The following UNC5D variants were observed in gnomAD, a reference collection of about 807,000 sequenced individuals.
UNC5D encodes unc-5 netrin receptor D.
UNC5D carries 39 observed loss-of-function variants against 105.4 expected under a neutral mutation model. The ratio of observed to expected loss-of-function variants is 0.37; its 90% CI spans 0.29 to 0.48. UNC5D has a LOEUF of 0.48. UNC5D is among the 20% of genes least tolerant of loss of function. The pLI is 0.98. For synonymous variants in UNC5D, 452 were observed against 450.4 expected, an observed-to-expected ratio of 1.00 and a Z score of -0.04; for missense variants, 991 against 1,202.4, an observed-to-expected ratio of 0.82 and a Z score of 2.60.
intron 1 of UNC5D, among the ~76,000 whole-genome samples, chr8:35,378,317 T>C (rs1407327331): frequency 2.6e-5 from 4 of 152,222 alleles, no homozygotes; most frequent in African/African-American, 9.6e-5. Flanking sequence ...GTCAACCCCC[T>C]AGTTGTCTTG....
chr8:35,311,924 A>C (rs1442060638), intron 1 of UNC5D, among the ~76,000 whole-genome samples: 1 of 152,134 alleles, frequency 6.6e-6, no homozygotes, highest in Non-Finnish European at 1.5e-5. Context: ...CCATATTGGC[A>C]TAATATATTT....
intron 1 of UNC5D, among the ~76,000 whole-genome samples, chr8:35,391,234 C>T (rs1803753061): frequency 6.6e-6 from 1 of 152,186 alleles, no homozygotes; most frequent in Non-Finnish European, 1.5e-5. Context: ...GAAGAAGCCA[C>T]CTCGTGTACT....
At chr8:35,764,151 G>A (rs1369324928) in intron 14 of UNC5D, among the ~76,000 whole-genome samples, 1 of 152,144 alleles carries the variant, frequency 6.6e-6, no homozygotes, top group Admixed American at 6.5e-5. Flanking sequence ...GAAGCATAAT[G>A]GAAACCAGAA....
chr8:35,692,314 C>G (rs1242959094), intron 7 of UNC5D, among the ~76,000 whole-genome samples: 3 of 152,176 alleles, frequency 2.0e-5, no homozygotes, highest in Non-Finnish European at 2.9e-5. Flanking sequence ...AAAAGGTGAA[C>G]CTGTAATCAC....
chr8:35,350,376 C>T (rs751059558), intron 1 of UNC5D, among the ~76,000 whole-genome samples: 2 of 151,978 alleles, frequency 1.3e-5, no homozygotes, highest in Admixed American at 6.6e-5. Context: ...AAGTGGGTCT[C>T]CCTTAGCGTA....
chr8:35,285,961 C>T (rs1029137426), intron 1 of UNC5D, among the ~76,000 whole-genome samples: 7 of 139,250 alleles, frequency 5.0e-5, no homozygotes, highest in Non-Finnish European at 1.1e-4. Flanking sequence ...ACATTAGAAA[C>T]GTAAGTCACA....
chr8:35,615,449 A>C (rs1380771259), intron 4 of UNC5D, among the ~76,000 whole-genome samples: 2 of 152,050 alleles, frequency 1.3e-5, no homozygotes, highest in Non-Finnish European at 2.9e-5. Context: ...TAACCCAGTC[A>C]GTCTCTGAGT....
intron 3 of UNC5D, among the ~76,000 whole-genome samples, chr8:35,575,470 A>G (rs1218199673): frequency 6.6e-6 from 1 of 152,118 alleles, no homozygotes; most frequent in Non-Finnish European, 1.5e-5. Context: ...CACTCCTAAC[A>G]GTACTACAAT....
rs182949696 is a variant in UNC5D, at chr8:35,475,337, T to G, written c.104-73955T>G. Among the ~76,000 whole-genome samples, 627 of 152,278 alleles carry G rather than the reference T, an allele frequency of 4.1e-3. 8 individuals are homozygous for G. Among genetic ancestry groups the G allele is most frequent in the African/African-American group, 0.014 (591 of 41,554 alleles). On this transcript the variant is annotated intron_variant, in intron 1 of 16. Coordinates refer to ENST00000404895, the MANE Select transcript of UNC5D (RefSeq NM_080872.4). ...ATTTTTGTTAGGCATGCCTACACAGTAGCCAAGTGGAGGCCCAGAAGGGGA... is the reference window on the plus strand; with the variant it reads ...ATTTTTGTTAGGCATGCCTACACAGGAGCCAAGTGGAGGCCCAGAAGGGGA...
intron 1 of UNC5D, among the ~76,000 whole-genome samples, chr8:35,247,588 A>T (rs1460620564): frequency 9.6e-6 from 1 of 104,304 alleles, no homozygotes; most frequent in African/African-American, 3.8e-5. Flanking sequence ...AAATATATAA[A>T]ATATATATAA....
At chr8:35,659,186 A>G (rs1268874887) in intron 4 of UNC5D, among the ~76,000 whole-genome samples, 1 of 152,146 alleles carries the variant, frequency 6.6e-6, no homozygotes, top group African/African-American at 2.4e-5. Context: ...AATTGAGAGT[A>G]TGGAGTGTCA....
At chr8:35,282,564 T>C (rs1212665705) in intron 1 of UNC5D, among the ~76,000 whole-genome samples, 1 of 152,192 alleles carries the variant, frequency 6.6e-6, no homozygotes, top group Non-Finnish European at 1.5e-5. Context: ...TAAACAACTT[T>C]ATGATACCAA....
intron 1 of UNC5D, among the ~76,000 whole-genome samples, chr8:35,303,442 A>G (rs1202556295): frequency 1.3e-5 from 2 of 152,186 alleles, no homozygotes; most frequent in Non-Finnish European, 2.9e-5. Context: ...AATATTCAGT[A>G]GAATACATGG....
intron 14 of UNC5D, among the ~76,000 whole-genome samples, chr8:35,762,801 CAA>C (rs1386686284): frequency 2.6e-5 from 4 of 152,098 alleles, no homozygotes; most frequent in Non-Finnish European, 4.4e-5. Flanking sequence ...CAACAAAACA[CAA>C]AGTCAAGTTG....
At chr8:35,594,636 G>A (rs939930453) in intron 3 of UNC5D, among the ~76,000 whole-genome samples, 82 of 152,008 alleles carry the variant, frequency 5.4e-4, no homozygotes, top group African/African-American at 2.0e-3. Flanking sequence ...ATGACACCTC[G>A]AGAGAAGTAA....
chr8:35,722,929 G>T (rs1417261276), intron 9 of UNC5D, among the ~76,000 whole-genome samples: 1 of 152,132 alleles, frequency 6.6e-6, no homozygotes, highest in Non-Finnish European at 1.5e-5. Context: ...CTCAGCTGTT[G>T]CCAAGTCCAA....
chr8:35,466,491 C>CT (rs1232531372), intron 1 of UNC5D, among the ~76,000 whole-genome samples: 1 of 152,058 alleles, frequency 6.6e-6, no homozygotes. Flanking sequence ...CAAGCCAGTG[C>CT]TTTTTTAATC....
At chr8:35,316,811 T>G (rs1809337617) in intron 1 of UNC5D, among the ~76,000 whole-genome samples, 1 of 152,172 alleles carries the variant, frequency 6.6e-6, no homozygotes, top group South Asian at 2.1e-4. Flanking sequence ...GTTTTCTTCA[T>G]TGCTTATATT....
At chr8:35,410,570 C>T (rs1348158463) in intron 1 of UNC5D, among the ~76,000 whole-genome samples, 2 of 152,048 alleles carry the variant, frequency 1.3e-5, no homozygotes, top group African/African-American at 2.4e-5. Context: ...CAAAGAACAT[C>T]TCTTTCAGTG....
Sources: allele counts gnomAD v4.1 joint callset (sites outside exome capture counted in the v4.1 genomes callset), GRCh38; gene constraint gnomAD v4.1.1; transcripts MANE v1.5; gene names NCBI Gene and HGNC (gene_info 2026-07-23, HGNC 2026-07-21).